Variants in WWOX observed in about 807,000 individuals in gnomAD.
WWOX encodes WW domain-containing oxidoreductase.
A neutral mutation model predicts 46.2 loss-of-function variants in WWOX; 69 were observed. The ratio of observed to expected loss-of-function variants is 1.49; its 90% CI spans 1.23 to 1.82. The LOEUF (loss-of-function observed/expected upper bound fraction) is 1.82. Ranked by LOEUF, WWOX falls within the 40% of genes most tolerant of loss-of-function variation. WWOX has a pLI of 0.00. For synonymous variants in WWOX, 359 were observed against 202.6 expected (o/e 1.77, Z -6.56); for missense variants, 919 against 542.6 (o/e 1.69, Z -6.89).
chr16:78,919,519 G>GTTT lies in WWOX; in HGVS notation c.1057-292087_1057-292085dup, dbSNP rs1362661780. Among the ~76,000 whole-genome samples the GTTT allele has an allele frequency of 1.0e-4, 7 of 67,254 alleles. 2 individuals are homozygous for GTTT. Among genetic ancestry groups the GTTT allele is most frequent in the African/African-American group, 1.3e-4 (3 of 22,546 alleles). 44.1% of individuals were successfully genotyped at this position (67,254 alleles called of 152,430 possible). On this transcript the variant is annotated intron_variant, in intron 8 of 8. Transcript: ENST00000566780. Reference sequence around the variant, plus strand: ...TCTCTTTTTTTTCTTTTATCTTTTTGTTTTGTTTTTTTTTTTTTTGAGGGA... The same window carrying GTTT: ...TCTCTTTTTTTTCTTTTATCTTTTTGTTTTTTTGTTTTTTTTTTTTTTGAGGGA...
At chr16:78,618,658 T>A (rs1012319673) in intron 8 of WWOX, among the ~76,000 whole-genome samples, 4 of 152,110 alleles carry the variant, frequency 2.6e-5, no homozygotes, top group Non-Finnish European at 4.4e-5. Flanking sequence ...AGAGACCTCT[T>A]CTCAACAGGA....
chr16:78,317,957 A>C (rs2080389034), intron 5 of WWOX, among the ~76,000 whole-genome samples: 1 of 152,158 alleles, frequency 6.6e-6, no homozygotes, highest in Non-Finnish European at 1.5e-5. Flanking sequence ...CCTGGGTTTG[A>C]AAGCAAAGTG....
intron 5 of WWOX, among the ~76,000 whole-genome samples, chr16:78,358,669 A>AAT (rs1206961699): frequency 3.0e-4 from 12 of 39,624 alleles, no homozygotes; most frequent in African/African-American, 1.0e-3. Flanking sequence ...AAAAATAAAT[A>AAT]ATATGTGTGT....
chr16:78,842,466 T>G (rs1414334929), intron 8 of WWOX, among the ~76,000 whole-genome samples: 1 of 151,750 alleles, frequency 6.6e-6, no homozygotes, highest in Non-Finnish European at 1.5e-5. Context: ...TCACGCTACT[T>G]TACTTCAACC....
At chr16:78,700,743 C>G (rs768645252) in intron 8 of WWOX, among the ~76,000 whole-genome samples, 3 of 152,172 alleles carry the variant, frequency 2.0e-5, no homozygotes, top group Non-Finnish European at 2.9e-5. Flanking sequence ...CCTCTAGAAC[C>G]AGGGATTGGA....
intron 8 of WWOX, chr16:79,077,856 C>T (rs564848146): frequency 6.6e-6 from 1 of 152,170 alleles, no homozygotes. Context: ...GGATCGTTCA[C>T]TAGTGTTCTG....
At chr16:78,278,989 T>G (rs1418642492) in intron 5 of WWOX, among the ~76,000 whole-genome samples, 2 of 152,196 alleles carry the variant, frequency 1.3e-5, no homozygotes, top group Non-Finnish European at 2.9e-5. Flanking sequence ...TTGTATTATC[T>G]GAGGGATGCT....
intron 8 of WWOX, among the ~76,000 whole-genome samples, chr16:79,090,280 C>CGTGTGT (rs61538157): frequency 0.086 from 11,882 of 138,250 alleles, 575 homozygotes; most frequent in Non-Finnish European, 0.1. Context: ...CTACTGTGTG[C>CGTGTGT]GTGTGTGTGT....
intron 5 of WWOX, among the ~76,000 whole-genome samples, chr16:78,337,340 G>C (rs907449266): frequency 1.3e-5 from 2 of 152,256 alleles, no homozygotes; most frequent in South Asian, 4.1e-4. Flanking sequence ...ATAAGGTCTT[G>C]TGTACCCACC....
intron 8 of WWOX, among the ~76,000 whole-genome samples, chr16:78,914,701 A>T (rs2045201795): frequency 6.6e-6 from 1 of 151,606 alleles, no homozygotes; most frequent in South Asian, 2.1e-4. Flanking sequence ...AACACGGTGA[A>T]ACCCCGTCTC....
chr16:78,949,367 C>A (rs1456661986), intron 8 of WWOX, among the ~76,000 whole-genome samples: 3 of 152,170 alleles, frequency 2.0e-5, no homozygotes, highest in African/African-American at 7.2e-5. Context: ...GATACACTGT[C>A]ATGGGGCCTT....
At chr16:78,327,378 C>G (rs1346558348) in intron 5 of WWOX, among the ~76,000 whole-genome samples, 1 of 152,108 alleles carries the variant, frequency 6.6e-6, no homozygotes, top group African/African-American at 2.4e-5. Flanking sequence ...GCTGTACCTC[C>G]CCAGTTATGA....
At chr16:78,787,730 G>T (rs150272336) in intron 8 of WWOX, among the ~76,000 whole-genome samples, 49 of 152,268 alleles carry the variant, frequency 3.2e-4, no homozygotes, top group African/African-American at 1.2e-3. Context: ...TTAACTTTCA[G>T]AGGAGCCACC....
intron 5 of WWOX, among the ~76,000 whole-genome samples, chr16:78,305,076 G>T (rs1008855495): frequency 6.6e-6 from 1 of 151,990 alleles, no homozygotes; most frequent in Non-Finnish European, 1.5e-5. Context: ...CCCTACCTGG[G>T]AATCTGAATT....
rs11324333 is a variant in WWOX at position 78,854,906 on chromosome 16, C to CT, written c.1057-356685dup. On this transcript the variant is annotated intron_variant, in intron 8 of 8. Transcript: ENST00000566780. ...CTATTTGCTGATTTTTGAACAGCAG[C>CT]TTTTTTTTTTTTTTTTTAACAAAAC... is the stretch of plus-strand genomic sequence containing the variant. Among the ~76,000 whole-genome samples the CT allele has an allele frequency of 5.9e-3, 840 of 141,348 alleles. 6 individuals carry two copies. Among genetic ancestry groups the CT allele is most frequent in the Admixed American group, 0.031 (443 of 14,246 alleles). 92.7% of individuals were successfully genotyped at this position (141,348 alleles called of 152,430 possible). A position where few individuals can be genotyped will look rare whatever the true frequency, so the allele number is the denominator to read the frequency against.
intron 8 of WWOX, among the ~76,000 whole-genome samples, chr16:79,140,365 C>T (rs7205219): frequency 8.5e-4 from 129 of 152,238 alleles, no homozygotes; most frequent in African/African-American, 2.9e-3. Flanking sequence ...AGAATTGAAT[C>T]GAACTTCCAC....
intron 8 of WWOX, among the ~76,000 whole-genome samples, chr16:78,827,381 T>G (rs1363664563): frequency 1.3e-5 from 2 of 151,912 alleles, no homozygotes; most frequent in Non-Finnish European, 2.9e-5. Context: ...TGTCATCAAC[T>G]CACAGAGGAA....
chr16:78,695,857 A>T (rs781744996), intron 8 of WWOX, among the ~76,000 whole-genome samples: 1 of 152,214 alleles, frequency 6.6e-6, no homozygotes, highest in Non-Finnish European at 1.5e-5. Context: ...GGAAGGACAG[A>T]TGTCATTCCT....
intron 8 of WWOX, among the ~76,000 whole-genome samples, chr16:78,856,475 T>A (rs1225107232): frequency 2.6e-5 from 4 of 152,142 alleles, no homozygotes; most frequent in Admixed American, 2.0e-4. Flanking sequence ...AAACCTCATT[T>A]CTGCTAAAAA....
Sources: gnomAD v4.1 joint callset for allele counts (sites outside exome capture counted in the v4.1 genomes callset) on GRCh38, gnomAD v4.1.1 for gene constraint, MANE v1.5 for transcripts, NCBI Gene and HGNC (gene_info 2026-07-23, HGNC 2026-07-21) for gene names.